The following MKRN2 variants were observed in gnomAD, a reference collection of about 807,000 sequenced individuals.
MKRN2 encodes makorin ring finger protein 2, also known as E3 ubiquitin-protein ligase makorin-2.
In MKRN2, 32 loss-of-function variants were observed where a neutral mutation model predicts 45.4. That is an observed-to-expected ratio of 0.70 (90% confidence interval 0.53 to 0.95). MKRN2 has a LOEUF of 0.95. Ranked by LOEUF, MKRN2 falls within the 40% of genes least tolerant of loss-of-function variation. The pLI is 0.00. For synonymous variants in MKRN2, 206 were observed against 192.4 expected (o/e 1.07, Z -0.59); for missense variants, 526 against 536.7 (o/e 0.98, Z 0.20).
At chr3:12,571,349 T>C (rs113957410) in intron 3 of MKRN2, among the ~76,000 whole-genome samples, 2,541 of 152,216 alleles carry the variant, frequency 0.017, 75 homozygotes, top group African/African-American at 0.059. Context: ...GGTCTCATGA[T>C]CCGCCCGCCT....
chr3:12,577,744 C>T (rs535369205), intron 6 of MKRN2, among the ~76,000 whole-genome samples: 16 of 151,968 alleles, frequency 1.1e-4, no homozygotes, highest in Non-Finnish European at 2.1e-4. Flanking sequence ...GGCACAATCT[C>T]GGCTCACTGC....
intron 3 of MKRN2, among the ~76,000 whole-genome samples, chr3:12,570,472 C>T (rs1242562066): frequency 6.6e-6 from 1 of 152,102 alleles, no homozygotes; most frequent in Non-Finnish European, 1.5e-5. Flanking sequence ...GGTTGAGCTC[C>T]AAGACTGGCC....
At chr3:12,573,742 AG>A (rs2058114113) in intron 4 of MKRN2, among the ~76,000 whole-genome samples, 1 of 151,736 alleles carries the variant, frequency 6.6e-6, no homozygotes, top group African/African-American at 2.4e-5. Context: ...AAATACAAAA[AG>A]TTAACTGGGT....
At chr3:12,557,613 T>C (rs966875361) in intron 1 of MKRN2, among the ~76,000 whole-genome samples, 1 of 152,260 alleles carries the variant, frequency 6.6e-6, no homozygotes, top group Admixed American at 6.5e-5. Flanking sequence ...GCCTCAAAGT[T>C]TGGAGAATCC....
At chr3:12,565,449 G>A (rs1306224978) in intron 1 of MKRN2, among the ~76,000 whole-genome samples, 1 of 150,504 alleles carries the variant, frequency 6.6e-6, no homozygotes, top group African/African-American at 2.4e-5. Flanking sequence ...ATATCAGCAG[G>A]TACATATTTA....
intron 4 of MKRN2, among the ~76,000 whole-genome samples, chr3:12,573,066 G>T (rs1231632480): frequency 1.3e-5 from 2 of 152,150 alleles, no homozygotes; most frequent in African/African-American, 4.8e-5. Flanking sequence ...CCTCATGGTT[G>T]GGATCCAGCT....
intron 1 of MKRN2, among the ~76,000 whole-genome samples, chr3:12,567,831 C>T (rs1229154260): frequency 6.6e-6 from 1 of 152,116 alleles, no homozygotes; most frequent in Non-Finnish European, 1.5e-5. Flanking sequence ...TCTAGGGTCT[C>T]TACTGTTTGA....
chr3:12,577,260 G>C (rs1292588273), intron 6 of MKRN2: 1 of 151,960 alleles, frequency 6.6e-6, no homozygotes, highest in African/African-American at 2.4e-5. Flanking sequence ...TCTTTATCCT[G>C]GTTGTCAGCA....
intron 5 of MKRN2, 93 bp from the exon 6 acceptor site, chr3:12,576,538 T>C: frequency 2.6e-6 from 2 of 780,492 alleles, no homozygotes; most frequent in Non-Finnish European, 4.3e-6. Flanking sequence ...GAAATGCCTG[T>C]AGTGGTGAGG....
chr3:12,578,449 G>A (rs997374673), intron 6 of MKRN2, among the ~76,000 whole-genome samples: 18 of 151,364 alleles, frequency 1.2e-4, no homozygotes, highest in African/African-American at 4.4e-4. Flanking sequence ...TCCCAAGAAG[G>A]TGGGACTACA....
chr3:12,572,972 C>T (rs2058108913), intron 4 of MKRN2, among the ~76,000 whole-genome samples: 1 of 152,186 alleles, frequency 6.6e-6, no homozygotes, highest in African/African-American at 2.4e-5. Context: ...AAGAACAGAT[C>T]TAGCTCAGGA....
intron 1 of MKRN2, among the ~76,000 whole-genome samples, chr3:12,561,337 A>G (rs2058035139): frequency 1.3e-5 from 2 of 152,368 alleles, no homozygotes; most frequent in South Asian, 4.1e-4. Context: ...AGGCGGAGGT[A>G]GAATTATAAA....
intron 3 of MKRN2, among the ~76,000 whole-genome samples, chr3:12,570,883 C>CAAA (rs889392244): frequency 4.1e-5 from 2 of 48,768 alleles, no homozygotes; most frequent in African/African-American, 6.6e-5. Flanking sequence ...GACTCCCTCT[C>CAAA]AAAAAAAAAA....
chr3:12,570,142 C>T lies in MKRN2; in HGVS notation c.227C>T (p.Pro76Leu), dbSNP rs779808828. 41 of 1,613,980 alleles carry T rather than the reference C, an allele frequency of 2.5e-5. No homozygotes were observed. The highest frequency in any genetic ancestry group is 3.3e-5 in the South Asian group (3 of 91,082). Residue 76 changes from proline to leucine, a missense_variant, in exon 3 of 8, where the codon CCA becomes CTA. By Grantham distance (98) the Pro-to-Leu change is moderately conservative. Transcript: ENST00000170447. ...ACCATGGCCCACAGTGTGCCCTCCC[C>T]AGCTTTCCACAGTCCTCACCCTCCT... ...VGTMAHSVPS[P>L]AFHSPHPPSE... is the part of the protein sequence containing the mutation.
chr3:12,583,164 T>C lies in MKRN2; in HGVS notation c.*911T>C, dbSNP rs574409371. The stretch of plus-strand genomic sequence containing the variant: ...CTTTGATTTGAAATTTTGTAAAAAT[T>C]TCATGGCACCCAAGGTTTCTGATTC... On this transcript the variant is annotated 3_prime_UTR_variant, in exon 8 of 8. Transcript: ENST00000170447. 2.0e-5 allele frequency: 3 copies of C among 152,322 alleles called. No individual in the cohort carries two copies. The South Asian group carries it at 6.2e-4, about 32-fold the overall frequency. 9.4% of individuals were successfully genotyped at this position (152,322 alleles called of 1,614,324 possible).
rs774206345 is a variant in MKRN2, at chr3:12,582,281, G to T, written c.*28G>T. 1 of 1,609,892 alleles carries T rather than the reference G, an allele frequency of 6.2e-7. No individual in the cohort carries two copies. The highest frequency in any genetic ancestry group is 8.5e-7 in the Non-Finnish European group (1 of 1,176,574). ...AGTAGATGGTTGCCCTGCATCTTGG[G>T]CTCCATCGGCCGAAACTTTCCCAAG... On this transcript the variant is annotated 3_prime_UTR_variant, in exon 8 of 8. Coordinates refer to ENST00000170447, the MANE Select transcript of MKRN2 (RefSeq NM_014160.5).
At chr3:12,577,781 T>A (rs1343381865) in intron 6 of MKRN2, among the ~76,000 whole-genome samples, 2 of 152,132 alleles carry the variant, frequency 1.3e-5, no homozygotes, top group East Asian at 3.9e-4. Context: ...GTTCAAGCGA[T>A]TCTCCTGCCT....
chr3:12,575,096 C>T (rs1038199895), intron 5 of MKRN2, 90 bp downstream of exon 5: 1 of 1,236,506 alleles, frequency 8.1e-7, no homozygotes, highest in Non-Finnish European at 1.1e-6. Context: ...CTCCGTTACC[C>T]TCAAGAGTAA....
chr3:12,562,867 C>G (rs1234858963), intron 1 of MKRN2, among the ~76,000 whole-genome samples: 1 of 151,868 alleles, frequency 6.6e-6, no homozygotes, highest in South Asian at 2.1e-4. Flanking sequence ...GAAAAACAAG[C>G]TCAGTGTTCC....
Sources: allele counts gnomAD v4.1 joint callset (sites outside exome capture counted in the v4.1 genomes callset), GRCh38; gene constraint gnomAD v4.1.1; transcripts MANE v1.5; gene names NCBI Gene and HGNC (gene_info 2026-07-23, HGNC 2026-07-21).